Variants in KAT8 observed in about 807,000 individuals in gnomAD.
KAT8 encodes lysine acetyltransferase 8, also known as histone acetyltransferase KAT8.
In KAT8, 40 loss-of-function variants were observed where a neutral mutation model predicts 62.9. The observed-to-expected ratio is 0.64, with a 90% CI of 0.49 to 0.83. The LOEUF (loss-of-function observed/expected upper bound fraction) is 0.83, where lower values mean the gene tolerates loss of function less well. KAT8 is among the 40% of genes least tolerant of loss of function. The pLI, the probability that KAT8 is intolerant of heterozygous loss-of-function variation, is 0.00. For synonymous variants in KAT8, 278 were observed against 254.5 expected (o/e 1.09, Z -0.88); for missense variants, 387 against 614.8 (o/e 0.63, Z 3.92).
chr16:31,126,893 T>C (rs1001089604), intron 3 of KAT8, 142 bp from the exon 4 acceptor site: 9 of 833,166 alleles, frequency 1.1e-5, no homozygotes, highest in African/African-American at 1.7e-5. Flanking sequence ...CCAAGTCAGA[T>C]AGGTTAGCTA....
intron 1 of KAT8, 124 bp from the exon 2 acceptor site, chr16:31,120,062 C>A: frequency 1.3e-6 from 1 of 747,244 alleles, no homozygotes; most frequent in Non-Finnish European, 2.4e-6. Flanking sequence ...AGTAGAATGG[C>A]AGAGGTGGAC....
intron 1 of KAT8, chr16:31,118,795 A>G (rs2057470931): frequency 6.6e-6 from 1 of 151,910 alleles, no homozygotes; most frequent in Non-Finnish European, 1.5e-5. Flanking sequence ...CATTTATTGA[A>G]TGCTCTGCTA....
At chr16:31,125,417 A>G (rs2057525573) in intron 3 of KAT8, among the ~76,000 whole-genome samples, 1 of 152,110 alleles carries the variant, frequency 6.6e-6, no homozygotes, top group Non-Finnish European at 1.5e-5. Context: ...CAGCCTGGCC[A>G]ACATGGCGAA....
intron 3 of KAT8, chr16:31,123,736 T>A (rs552825626): frequency 6.6e-6 from 1 of 152,238 alleles, no homozygotes; most frequent in African/African-American, 2.4e-5. Context: ...GGTCTGGAAC[T>A]CCTGGCCTCA....
intron 6 of KAT8, among the ~76,000 whole-genome samples, chr16:31,129,310 T>G (rs1285727302): frequency 6.6e-6 from 1 of 152,152 alleles, no homozygotes; most frequent in Non-Finnish European, 1.5e-5. Flanking sequence ...AGCATGGCTG[T>G]GTGGAATAGC....
intron 6 of KAT8, 106 bp from the exon 7 acceptor site, chr16:31,129,911 G>A: frequency 8.0e-7 from 1 of 1,257,098 alleles, no homozygotes; most frequent in Non-Finnish European, 1.1e-6. Flanking sequence ...AATCCTTCTG[G>A]CCTGGCGAGG....
intron 1 of KAT8, among the ~76,000 whole-genome samples, chr16:31,119,237 C>T (rs1451620918): frequency 6.6e-6 from 1 of 152,118 alleles, no homozygotes; most frequent in East Asian, 1.9e-4. Context: ...GCGATCTCTG[C>T]CTCCCGGATT....
chr16:31,121,345 T>C (rs929272904), intron 3 of KAT8, among the ~76,000 whole-genome samples: 2 of 152,116 alleles, frequency 1.3e-5, no homozygotes, highest in Non-Finnish European at 2.9e-5. Flanking sequence ...GGTCTCGAAC[T>C]CCTGACCTCA....
intron 5 of KAT8, among the ~76,000 whole-genome samples, chr16:31,127,737 C>A (rs575315157): frequency 6.6e-6 from 1 of 152,144 alleles, no homozygotes; most frequent in African/African-American, 2.4e-5. Flanking sequence ...GGCTGCTTCC[C>A]GAAGTGTGGA....
chr16:31,124,526 G>T (rs985523970), intron 3 of KAT8, among the ~76,000 whole-genome samples: 5 of 152,088 alleles, frequency 3.3e-5, no homozygotes, highest in African/African-American at 1.2e-4. Context: ...GAGGTCAGGA[G>T]TTGGAGGCCA....
Position 31,120,359 on chromosome 16 carries a change from T to G in KAT8, c.307T>G (p.Trp103Gly). 6.2e-7 allele frequency: 1 copy of G among 1,613,310 alleles called. No individual in the cohort carries two copies. Among genetic ancestry groups the G allele is most frequent in the Non-Finnish European group, 8.5e-7 (1 of 1,179,710 alleles). Residue 103 changes from tryptophan (W) to glycine (G), a missense_variant, in exon 3 of 11, where the codon TGG becomes GGG. By Grantham distance (184) the Trp-to-Gly change is radical. Around this residue, in one of 6 missense-constraint regions of KAT8, gnomAD observed 69 missense variants for 127.0 expected, o/e 0.54. Coordinates refer to ENST00000219797, the MANE Select transcript of KAT8 (RefSeq NM_032188.3). The stretch of plus-strand genomic sequence containing the variant: ...TACAGTTAACCGGCGGCTGGACGAG[T>G]GGGTAGACAAGAACCGGCTGGCGCT... Reference protein sequence around the residue: ...YVGFNRRLDEWVDKNRLALTK... With the variant: ...YVGFNRRLDEGVDKNRLALTK...
chr16:31,122,874 G>A (rs893170812), intron 3 of KAT8, among the ~76,000 whole-genome samples: 14 of 146,464 alleles, frequency 9.6e-5, no homozygotes, highest in Non-Finnish European at 1.5e-4. Flanking sequence ...GTGAGACTCC[G>A]TCTCAAAAAA....
chr16:31,130,855 G>C lies in KAT8; in HGVS notation c.1267G>C (p.Glu423Gln). The stretch of plus-strand genomic sequence containing the variant: ...GATCTGTGTCACACCCAAGCTGGTG[G>C]AGGAGCACCTCAAAAGTGCCCAGTA... The part of the protein sequence containing the change: ...HVICVTPKLV[E>Q]EHLKSAQYKK... Residue 423 changes from glutamate to glutamine, a missense_variant, in exon 10 of 11, where the codon GAG (glutamate) becomes CAG (glutamine). Physicochemically the swap from Glu to Gln is conservative, Grantham distance 29. Around this residue, in one of 6 missense-constraint regions of KAT8, gnomAD observed 75 missense variants for 105.7 expected, o/e 0.71. Transcript: ENST00000219797. 2 of 1,613,542 alleles carry C rather than the reference G, an allele frequency of 1.2e-6. No individual in the cohort carries two copies. The highest frequency in any genetic ancestry group is 1.7e-6 in the Non-Finnish European group (2 of 1,179,952).
chr16:31,125,603 CAA>C (rs61022736), intron 3 of KAT8: 9 of 64,066 alleles, frequency 1.4e-4, no homozygotes, highest in Admixed American at 1.8e-4. Context: ...GACTCCGTCT[CAA>C]AAAAAAAAAA....
At chr16:31,123,484 C>G (rs1021443261) in intron 3 of KAT8, among the ~76,000 whole-genome samples, 1 of 152,008 alleles carries the variant, frequency 6.6e-6, no homozygotes, top group Non-Finnish European at 1.5e-5. Flanking sequence ...GCTGGGATTA[C>G]AGGTGTGAGC....
At chr16:31,123,343 A>G (rs1403994224) in intron 3 of KAT8, among the ~76,000 whole-genome samples, 4 of 152,062 alleles carry the variant, frequency 2.6e-5, no homozygotes, top group Non-Finnish European at 5.9e-5. Context: ...CAGCCTCCCA[A>G]GTAGCTGGGA....
chr16:31,127,835 C>T (rs1394011920), intron 5 of KAT8, among the ~76,000 whole-genome samples: 3 of 152,182 alleles, frequency 2.0e-5, no homozygotes, highest in Non-Finnish European at 2.9e-5. Context: ...AAAACCCCAC[C>T]GTGCTGTGTG....
At chr16:31,129,332 C>T (rs1031557407) in intron 6 of KAT8, among the ~76,000 whole-genome samples, 22 of 152,176 alleles carry the variant, frequency 1.4e-4, no homozygotes, top group African/African-American at 5.3e-4. Flanking sequence ...GAAGGGCCCC[C>T]GCTGGAGATG....
chr16:31,119,548 A>G (rs940954335), intron 1 of KAT8, among the ~76,000 whole-genome samples: 3 of 152,234 alleles, frequency 2.0e-5, no homozygotes, highest in Admixed American at 6.5e-5. Flanking sequence ...TGAGCATTGA[A>G]TTTAGAGTCA....
Sources: gnomAD v4.1 joint callset for allele counts (sites outside exome capture counted in the v4.1 genomes callset) on GRCh38, gnomAD v4.1.1 for gene constraint, gnomAD v4.1.1 regional missense constraint, MANE v1.5 for transcripts, NCBI Gene and HGNC (gene_info 2026-07-23, HGNC 2026-07-21) for gene names.